INPP5A: variants seen among roughly 807,000 people sequenced by gnomAD.
INPP5A encodes the protein 43 kDa inositol polyphosphate 5-phophatase.
INPP5A carries 14 observed loss-of-function variants against 65.2 expected under a neutral mutation model. The ratio of observed to expected loss-of-function variants is 0.21; its 90% CI spans 0.14 to 0.34. The LOEUF (loss-of-function observed/expected upper bound fraction) is 0.34, where lower values mean the gene tolerates loss of function less well. Among genes scored for constraint, INPP5A ranks in the 10% least tolerant of loss-of-function variants. The pLI, the probability that INPP5A is intolerant of heterozygous loss-of-function variation, is 1.00. For missense variants in INPP5A, 431 were observed against 545.6 expected (o/e 0.79, Z 2.09); for synonymous variants, 207 against 208.3 (o/e 0.99, Z 0.05).
chr10:132,591,673 CA>C (rs1455021262), intron 1 of INPP5A, among the ~76,000 whole-genome samples: 2 of 152,190 alleles, frequency 1.3e-5, no homozygotes, highest in Non-Finnish European at 2.9e-5. Flanking sequence ...CTGTTAATTT[CA>C]GGACCTCCTG....
chr10:132,701,199 C>T (rs1225759193), intron 6 of INPP5A, among the ~76,000 whole-genome samples: 1 of 152,192 alleles, frequency 6.6e-6, no homozygotes, highest in African/African-American at 2.4e-5. Flanking sequence ...TGAAGGAACC[C>T]TATTAACAGG....
chr10:132,782,118 A>G lies in INPP5A; in HGVS notation c.*89A>G. On this transcript the variant is annotated 3_prime_UTR_variant, in exon 16 of 16. Coordinates refer to ENST00000368594, the MANE Select transcript of INPP5A (RefSeq NM_005539.5). This position sits in a 1 kb window ranked among gnomAD's most constrained non-coding sequence, Gnocchi z 4.4. ...CCGAATACGCACTCTTGAAAGCTGC[A>G]TCGAGAACCCGCCCAAGCGCCACCT... is the stretch of plus-strand genomic sequence containing the variant. The G allele has an allele frequency of 5.9e-6, 9 of 1,533,368 alleles. No individual in the cohort carries two copies. The highest frequency in any genetic ancestry group is 1.4e-5 in the African/African-American group (1 of 72,808). 95.0% of individuals were successfully genotyped at this position (1,533,368 alleles called of 1,614,324 possible).
intron 3 of INPP5A, among the ~76,000 whole-genome samples, chr10:132,648,295 A>G (rs2072526099): frequency 6.6e-6 from 1 of 152,270 alleles, no homozygotes; most frequent in Non-Finnish European, 1.5e-5. Flanking sequence ...TGAGAGCTTC[A>G]CAGTGGAGTG....
chr10:132,774,422 A>G (rs1162498876), intron 12 of INPP5A, among the ~76,000 whole-genome samples: 3 of 152,160 alleles, frequency 2.0e-5, no homozygotes, highest in Admixed American at 1.3e-4. Context: ...CCTGACGCCC[A>G]CCTGGAGAAG....
At chr10:132,695,161 A>G (rs1178395293) in intron 5 of INPP5A, among the ~76,000 whole-genome samples, 1 of 152,236 alleles carries the variant, frequency 6.6e-6, no homozygotes, top group Non-Finnish European at 1.5e-5. Context: ...ACCAACCGAG[A>G]TTTACTCCTG....
At position 132,651,704 on chromosome 10, in the gene INPP5A, G is replaced by A. The variant is rs1173786271; in HGVS notation, c.306+1199G>A. ...TCGCTCTCCAGTGCCCCCCTGCCCT[G>A]CAGGTGGGACTCTCATTGCTGTTTG... On this transcript the variant is annotated intron_variant, in intron 4 of 15. Transcript: ENST00000368594. This position sits in a 1 kb window ranked among gnomAD's most constrained non-coding sequence, Gnocchi z 5.0. Among the ~76,000 whole-genome samples, 3 of 152,194 alleles carry A rather than the reference G, an allele frequency of 2.0e-5. No individual in the cohort carries two copies. Among genetic ancestry groups the A allele is most frequent in the Non-Finnish European group, 4.4e-5 (3 of 68,038 alleles).
intron 4 of INPP5A, among the ~76,000 whole-genome samples, chr10:132,668,451 C>T (rs1211967575): frequency 3.3e-5 from 5 of 152,176 alleles, no homozygotes; most frequent in Non-Finnish European, 7.3e-5. Context: ...AAAATCAGAG[C>T]ACTTCAAATC....
intron 1 of INPP5A, among the ~76,000 whole-genome samples, chr10:132,561,120 T>C (rs2071199408): frequency 6.7e-6 from 1 of 149,530 alleles, no homozygotes. Flanking sequence ...TGGAGTTCAG[T>C]GGTGTGATCG....
chr10:132,538,493 C>G lies in INPP5A; in HGVS notation c.75+322C>G, dbSNP rs1165571735. On this transcript the variant is annotated intron_variant, in intron 1 of 15. Transcript: ENST00000368594. This position sits in a 1 kb window ranked among gnomAD's most constrained non-coding sequence, Gnocchi z 4.1. Reference sequence around the variant, plus strand: ...GTCTGCAAATCCTGACCTCGAAACTCCAATATTAAAACCCTGTCAGAACCC... The same window carrying G: ...GTCTGCAAATCCTGACCTCGAAACTGCAATATTAAAACCCTGTCAGAACCC... Among the ~76,000 whole-genome samples the G allele has an allele frequency of 1.3e-5, 2 of 152,122 alleles. No homozygotes were observed. The highest frequency in any genetic ancestry group is 2.9e-5 in the Non-Finnish European group (2 of 68,008).
Position 132,547,788 on chromosome 10 carries a change from C to A in INPP5A, c.75+9617C>A, listed in dbSNP as rs1345159151. On this transcript the variant is annotated intron_variant, in intron 1 of 15. Coordinates refer to ENST00000368594, the MANE Select transcript of INPP5A (RefSeq NM_005539.5). This position sits in a 1 kb window ranked among gnomAD's most constrained non-coding sequence, Gnocchi z 5.5. ...CCTGTGACGCGCTCTTGGTGACTCA[C>A]CAAGTGAGTCCCAAGCTCCCTTCCT... Among the ~76,000 whole-genome samples the A allele has an allele frequency of 6.6e-6, 1 of 152,182 alleles. No individual in the cohort carries two copies. Among genetic ancestry groups the A allele is most frequent in the Admixed American group, 6.5e-5 (1 of 15,282 alleles).
rs187500569 is a variant in INPP5A, at chr10:132,557,401, C to T, written c.75+19230C>T. ...CTGTGCCACACCTGCGCAGTGTCAC[C>T]GTGCTGCAGAGGAGCCCCCATGCAG... On this transcript the variant is annotated intron_variant, in intron 1 of 15. Transcript: ENST00000368594. 3.2e-3 allele frequency among the ~76,000 whole-genome samples: 493 copies of T among 152,376 alleles called. 1 individual carries two copies. Among genetic ancestry groups the T allele is most frequent in the African/African-American group, 0.01 (428 of 41,602 alleles).
intron 1 of INPP5A, among the ~76,000 whole-genome samples, chr10:132,597,086 T>C (rs1305698354): frequency 6.6e-6 from 1 of 151,778 alleles, no homozygotes; most frequent in Non-Finnish European, 1.5e-5. Flanking sequence ...TGCGTGTGTG[T>C]ATGTGTGCAT....
rs1590973988 is a variant in INPP5A at position 132,741,746 on chromosome 10, CCGACG to C, written c.733-7770_733-7766del. ...TGTGTCCGCTTGCTTTACTCAATAG[CCGACG>C]TAAACTGAGGTGGACGTCAGTGTCC... On this transcript the variant is annotated intron_variant, in intron 9 of 15. Coordinates refer to ENST00000368594, the MANE Select transcript of INPP5A (RefSeq NM_005539.5). The surrounding 1 kb of genome is among the most constrained non-coding windows in gnomAD (Gnocchi z 4.4). Among the ~76,000 whole-genome samples the C allele has an allele frequency of 5.1e-5, 3 of 59,056 alleles. No homozygotes were observed. The highest frequency in any genetic ancestry group is 1.2e-3 in the South Asian group (2 of 1,650). 38.7% of individuals were successfully genotyped at this position (59,056 alleles called of 152,430 possible).
intron 2 of INPP5A, among the ~76,000 whole-genome samples, chr10:132,610,112 G>A (rs918944118): frequency 5.3e-5 from 8 of 152,186 alleles, no homozygotes; most frequent in Non-Finnish European, 7.4e-5. Context: ...CCGAGGTCCC[G>A]GCAACAGCTC....
chr10:132,545,199 G>C lies in INPP5A; in HGVS notation c.75+7028G>C, dbSNP rs778431593. Among the ~76,000 whole-genome samples, 3 of 152,138 alleles carry C rather than the reference G, an allele frequency of 2.0e-5. No individual in the cohort carries two copies. Among genetic ancestry groups the C allele is most frequent in the Non-Finnish European group, 4.4e-5 (3 of 68,014 alleles). On this transcript the variant is annotated intron_variant, in intron 1 of 15. Coordinates refer to ENST00000368594, the MANE Select transcript of INPP5A (RefSeq NM_005539.5). This position sits in a 1 kb window ranked among gnomAD's most constrained non-coding sequence, Gnocchi z 4.6. ...CTGTGCTCGGTGGGGGTCTGATTTT[G>C]GGGGAAGAGGCTGGTACTGGGGTGT... is the stretch of plus-strand genomic sequence containing the variant.
intron 4 of INPP5A, among the ~76,000 whole-genome samples, chr10:132,672,444 G>A (rs1266346882): frequency 6.6e-6 from 1 of 152,110 alleles, no homozygotes; most frequent in Non-Finnish European, 1.5e-5. Context: ...TCTTTCCCAT[G>A]GTGTTCTCAT....
In INPP5A at chr10:132,654,766, A is replaced by C. The variant is rs117935863; in HGVS notation, c.306+4261A>C. ...GTACATAAATGCTGTCACGGGTATT[A>C]ATAGGGATCAGAAAATAGTGGCCTG... On this transcript the variant is annotated intron_variant, in intron 4 of 15. Coordinates refer to ENST00000368594, the MANE Select transcript of INPP5A (RefSeq NM_005539.5). Among the ~76,000 whole-genome samples the C allele has an allele frequency of 4.7e-3, 716 of 152,394 alleles. 10 individuals carry two copies. Among genetic ancestry groups the C allele is most frequent in the Admixed American group, 0.018 (273 of 15,312 alleles).
At chr10:132,685,884 G>A (rs2073108573) in intron 4 of INPP5A, among the ~76,000 whole-genome samples, 1 of 152,266 alleles carries the variant, frequency 6.6e-6, no homozygotes, top group East Asian at 1.9e-4. Context: ...GTGACACGGT[G>A]TGGCCATTTA....
At chr10:132,635,983 C>CAAAAAAA (rs202003054) in intron 2 of INPP5A, among the ~76,000 whole-genome samples, 4 of 49,240 alleles carry the variant, frequency 8.1e-5, no homozygotes, top group Admixed American at 2.2e-4. Flanking sequence ...ATCTCAAAGA[C>CAAAAAAA]AAAAAAAAAA....
Sources: gnomAD v4.1 joint callset for allele counts (sites outside exome capture counted in the v4.1 genomes callset) on GRCh38, gnomAD v4.1.1 for gene constraint, Gnocchi (gnomAD v3.1) non-coding constraint, MANE v1.5 for transcripts, NCBI Gene and HGNC (gene_info 2026-07-23, HGNC 2026-07-21) for gene names.